The following SMYD3 variants were observed in gnomAD, a reference collection of about 807,000 sequenced individuals.
SMYD3 encodes SET and MYND domain containing 3, also known as histone-lysine N-methyltransferase SMYD3.
In SMYD3, 36 loss-of-function variants were observed where a neutral mutation model predicts 57.7. That is an observed-to-expected ratio of 0.62 (90% CI 0.48 to 0.82). The LOEUF (loss-of-function observed/expected upper bound fraction) is 0.82, where lower values mean the gene tolerates loss of function less well. Ranked by LOEUF, SMYD3 falls within the 40% of genes least tolerant of loss-of-function variation. SMYD3 has a pLI of 0.00. For missense variants in SMYD3, 515 were observed against 538.8 expected, an observed-to-expected ratio of 0.96 and a Z score of 0.44; for synonymous variants, 211 against 195.0, an observed-to-expected ratio of 1.08 and a Z score of -0.68.
chr1:246,437,245 C>A (rs960003803), intron 1 of SMYD3, among the ~76,000 whole-genome samples: 1 of 152,150 alleles, frequency 6.6e-6, no homozygotes, highest in Admixed American at 6.5e-5. Context: ...AGGAATCTCA[C>A]CTGTCTTTTT....
At chr1:245,955,558 C>A (rs1035019031) in intron 5 of SMYD3, among the ~76,000 whole-genome samples, 1 of 152,198 alleles carries the variant, frequency 6.6e-6, no homozygotes, top group Non-Finnish European at 1.5e-5. Context: ...AACTTTCCTA[C>A]ATCCAAATAG....
intron 2 of SMYD3, among the ~76,000 whole-genome samples, chr1:246,350,420 G>C (rs570652974): frequency 2.0e-5 from 3 of 152,290 alleles, no homozygotes; most frequent in African/African-American, 7.2e-5. Flanking sequence ...AGCTAATCCA[G>C]AAAAGAGACC....
At chr1:245,966,487 G>A (rs775821627) in intron 5 of SMYD3, among the ~76,000 whole-genome samples, 1 of 152,100 alleles carries the variant, frequency 6.6e-6, no homozygotes, top group Non-Finnish European at 1.5e-5. Flanking sequence ...CTATTTTCTA[G>A]CATAACATGG....
At chr1:245,842,375 G>A (rs775921749) in intron 10 of SMYD3, among the ~76,000 whole-genome samples, 4 of 151,980 alleles carry the variant, frequency 2.6e-5, no homozygotes, top group African/African-American at 4.8e-5. Flanking sequence ...ATTGATTTTC[G>A]GCCAACTGAC....
At chr1:246,232,010 G>A (rs2063414827) in intron 5 of SMYD3, among the ~76,000 whole-genome samples, 1 of 152,180 alleles carries the variant, frequency 6.6e-6, no homozygotes, top group African/African-American at 2.4e-5. Context: ...TCCAGGAGAA[G>A]CGCAGCATTT....
At chr1:245,963,685 A>T (rs1368243964) in intron 5 of SMYD3, among the ~76,000 whole-genome samples, 1 of 152,200 alleles carries the variant, frequency 6.6e-6, no homozygotes, top group African/African-American at 2.4e-5. Flanking sequence ...AAAAGAAAAA[A>T]ACACCAGAGA....
intron 6 of SMYD3, 35 bp from the exon 7 acceptor site, chr1:245,928,068 C>T (rs1238039485): frequency 1.3e-6 from 2 of 1,558,758 alleles, no homozygotes; most frequent in Non-Finnish European, 1.8e-6. Context: ...TGTCACAGCT[C>T]AGCAGGTAGA....
intron 5 of SMYD3, among the ~76,000 whole-genome samples, chr1:246,277,478 A>ACC (rs1324863486): frequency 2.0e-5 from 3 of 151,532 alleles, no homozygotes; most frequent in East Asian, 1.9e-4. Context: ...CACCACCACC[A>ACC]ACAACAACAA....
chr1:246,439,106 G>GGC (rs1558465485), intron 1 of SMYD3, among the ~76,000 whole-genome samples: 1 of 3,098 alleles, frequency 3.2e-4, no homozygotes, highest in East Asian at 0.013. Flanking sequence ...TGTTATTTTC[G>GGC]GGGGGGGGGG....
chr1:246,067,984 A>T lies in SMYD3; in HGVS notation c.532-138047T>A, dbSNP rs549639097. 8.5e-5 allele frequency among the ~76,000 whole-genome samples: 13 copies of T among 152,294 alleles called. No individual in the cohort carries two copies. In the East Asian group the frequency reaches 1.9e-3, roughly 23 times the overall value. ...CAAGACCCTCTTCAGAAGGAACAAG[A>T]GACCGTGTGGAGGGCCCATGAGAAT... On this transcript the variant is annotated intron_variant, in intron 5 of 11. Coordinates refer to ENST00000490107, the MANE Select transcript of SMYD3 (RefSeq NM_001167740.2).
chr1:246,135,392 G>C (rs1407175907), intron 5 of SMYD3, among the ~76,000 whole-genome samples: 1 of 152,220 alleles, frequency 6.6e-6, no homozygotes, highest in East Asian at 1.9e-4. Context: ...AGTGTGCACA[G>C]CTTAAGTATG....
At chr1:246,174,198 T>C (rs964874012) in intron 5 of SMYD3, among the ~76,000 whole-genome samples, 4 of 152,174 alleles carry the variant, frequency 2.6e-5, no homozygotes, top group Non-Finnish European at 5.9e-5. Flanking sequence ...CACAGTCATT[T>C]CTTATCACTA....
intron 5 of SMYD3, among the ~76,000 whole-genome samples, chr1:246,147,214 G>A (rs2061860744): frequency 1.3e-5 from 2 of 151,838 alleles, no homozygotes; most frequent in Admixed American, 1.3e-4. Flanking sequence ...AGGCGATCTT[G>A]CCCTCTTAAT....
At chr1:246,427,786 T>C (rs1386167007) in intron 1 of SMYD3, among the ~76,000 whole-genome samples, 1 of 151,930 alleles carries the variant, frequency 6.6e-6, no homozygotes, top group African/African-American at 2.4e-5. Flanking sequence ...CCCAGGAGGT[T>C]GAGGCTGCGA....
At chr1:246,339,942 C>G (rs1267351204) in intron 2 of SMYD3, among the ~76,000 whole-genome samples, 1 of 152,166 alleles carries the variant, frequency 6.6e-6, no homozygotes, top group Non-Finnish European at 1.5e-5. Context: ...CCAGAAACAC[C>G]AGCCAAATAA....
At chr1:246,487,644 A>C (rs1572049877) in intron 1 of SMYD3, among the ~76,000 whole-genome samples, 1 of 151,506 alleles carries the variant, frequency 6.6e-6, no homozygotes, top group East Asian at 1.9e-4. Context: ...AAGCAATTTC[A>C]CCCTACTGCA....
At chr1:245,853,612 A>G (rs566315631) in intron 10 of SMYD3, among the ~76,000 whole-genome samples, 2 of 152,332 alleles carry the variant, frequency 1.3e-5, no homozygotes, top group Admixed American at 6.5e-5. Context: ...AAAACCCATG[A>G]AAGAACAACT....
At chr1:246,489,166 G>A (rs2068232128) in intron 1 of SMYD3, among the ~76,000 whole-genome samples, 1 of 152,048 alleles carries the variant, frequency 6.6e-6, no homozygotes, top group South Asian at 2.1e-4. Context: ...CTAACATGGT[G>A]ACACCCCGTC....
At chr1:246,161,572 T>C (rs992805344) in intron 5 of SMYD3, among the ~76,000 whole-genome samples, 8 of 152,328 alleles carry the variant, frequency 5.3e-5, no homozygotes, top group African/African-American at 9.6e-5. Flanking sequence ...TCATGCTCTA[T>C]TGTAATTATT....
Sources: allele counts gnomAD v4.1 joint callset (sites outside exome capture counted in the v4.1 genomes callset), GRCh38; gene constraint gnomAD v4.1.1; transcripts MANE v1.5; gene names NCBI Gene and HGNC (gene_info 2026-07-23, HGNC 2026-07-21).